The following CDIN1 variants were observed in gnomAD, a reference collection of about 807,000 sequenced individuals.
CDIN1 encodes CDAN1-interacting nuclease 1.
Under a neutral mutation model 45.3 loss-of-function variants are expected in CDIN1, and 33 were observed. The observed-to-expected ratio is 0.73, with a 90% CI of 0.55 to 0.97. CDIN1 has a LOEUF of 0.97. Among genes scored for constraint, CDIN1 ranks in the 50% least tolerant of loss-of-function variants. The pLI is 0.00. For synonymous variants in CDIN1, 118 were observed against 124.4 expected, an observed-to-expected ratio of 0.95 and a Z score of 0.34; for missense variants, 303 against 339.4, an observed-to-expected ratio of 0.89 and a Z score of 0.84.
chr15:36,743,027 T>A (rs2044293614), intron 10 of CDIN1, among the ~76,000 whole-genome samples: 1 of 152,146 alleles, frequency 6.6e-6, no homozygotes, highest in African/African-American at 2.4e-5. Flanking sequence ...TTACCTGGCA[T>A]GAAAGTGGAG....
At chr15:36,730,861 T>C (rs1435418718) in intron 10 of CDIN1, among the ~76,000 whole-genome samples, 1 of 152,114 alleles carries the variant, frequency 6.6e-6, no homozygotes, top group Non-Finnish European at 1.5e-5. Flanking sequence ...CATCGAATTC[T>C]TTTTTCTAAT....
At chr15:36,796,284 C>T (rs1013476610) in intron 10 of CDIN1, among the ~76,000 whole-genome samples, 2 of 152,150 alleles carry the variant, frequency 1.3e-5, no homozygotes, top group Admixed American at 6.5e-5. Context: ...CCACCTTGAA[C>T]TTCAGGGCAC....
intron 10 of CDIN1, among the ~76,000 whole-genome samples, chr15:36,733,459 A>G (rs185021747): frequency 4.6e-5 from 7 of 152,240 alleles, no homozygotes; most frequent in Admixed American, 3.9e-4. Context: ...ATATGAATTT[A>G]TCATTTACTC....
intron 10 of CDIN1, among the ~76,000 whole-genome samples, chr15:36,781,494 GAACT>G (rs1010349300): frequency 7.2e-5 from 11 of 152,132 alleles, no homozygotes; most frequent in Non-Finnish European, 1.5e-5. Flanking sequence ...TTCCTACATT[GAACT>G]AACTAATTCA....
intron 1 of CDIN1, among the ~76,000 whole-genome samples, chr15:36,609,887 T>G (rs2038565589): frequency 6.6e-6 from 1 of 152,178 alleles, no homozygotes. Flanking sequence ...GCCCTGCCAA[T>G]CTGGAGGCTG....
intron 10 of CDIN1, among the ~76,000 whole-genome samples, chr15:36,787,905 A>G (rs1322574765): frequency 6.6e-6 from 1 of 150,494 alleles, no homozygotes; most frequent in Non-Finnish European, 1.5e-5. Context: ...AATATGTATC[A>G]TATATTTAAT....
intron 10 of CDIN1, among the ~76,000 whole-genome samples, chr15:36,745,694 A>T (rs2044396710): frequency 3.3e-5 from 5 of 152,160 alleles, no homozygotes. Context: ...GGCCGGGTGC[A>T]GTGGCTCATG....
At chr15:36,714,128 A>G (rs1349561913) in intron 10 of CDIN1, among the ~76,000 whole-genome samples, 1 of 152,174 alleles carries the variant, frequency 6.6e-6, no homozygotes, top group East Asian at 1.9e-4. Context: ...TTCAACTCGA[A>G]GTATAGTGAG....
In CDIN1 at chr15:36,639,343, C is replaced by T. The variant is rs370794112; in HGVS notation, c.102-4935C>T. Among the ~76,000 whole-genome samples, 14 of 145,964 alleles carry T rather than the reference C, an allele frequency of 9.6e-5. No homozygotes were observed. The South Asian group carries it at 2.6e-3, about 27-fold the overall frequency. Reference sequence around the variant, plus strand: ...AAACCAGGCCCAGCGTGGTGGCTCACGCCTGCAATCCCGGCATTTTGGGAG... The same window carrying T: ...AAACCAGGCCCAGCGTGGTGGCTCATGCCTGCAATCCCGGCATTTTGGGAG... On this transcript the variant is annotated intron_variant, in intron 1 of 10. Coordinates refer to ENST00000566621, the MANE Select transcript of CDIN1 (RefSeq NM_001321759.2).
In CDIN1 at chr15:36,617,966, C is replaced by G. The variant is rs935072367; in HGVS notation, c.102-26312C>G. The G allele has an allele frequency of 3.9e-6, 3 of 765,858 alleles. No homozygotes were observed. In the African/African-American group the frequency reaches 5.1e-5, roughly 13 times the overall value. The allele number at this position is 765,858 out of a possible 1,614,324, so 47.4% of individuals were successfully genotyped here. On this transcript the variant is annotated intron_variant, in intron 1 of 10. Coordinates refer to ENST00000566621, the MANE Select transcript of CDIN1 (RefSeq NM_001321759.2). ...AATGGATTCTAGTATCTATAGTCAG[C>G]CCATTCAGACTCAAGCACAGTATGC...
Position 36,645,245 on chromosome 15 carries a change from C to T in CDIN1, c.170C>T (p.Ala57Val). ...EYQKHIKRTH[A>V]KHHTSEAIES... ...CAGAAACACATTAAAAGAACACATGCCAAACATCATACTTCGGAAGCAATT... is the reference window on the plus strand; with the variant it reads ...CAGAAACACATTAAAAGAACACATGTCAAACATCATACTTCGGAAGCAATT... The change falls in exon 3 of 11, where the codon GCC becomes GTC. Residue 57 changes from alanine (A) to valine (V), a missense_variant. Coordinates refer to ENST00000566621, the MANE Select transcript of CDIN1 (RefSeq NM_001321759.2). 6.4e-7 allele frequency: 1 copy of T among 1,552,858 alleles called. No individual in the cohort carries two copies. Among genetic ancestry groups the T allele is most frequent in the South Asian group, 1.2e-5 (1 of 84,212 alleles).
chr15:36,742,494 G>A (rs1279330183), intron 10 of CDIN1, among the ~76,000 whole-genome samples: 1 of 152,140 alleles, frequency 6.6e-6, no homozygotes, highest in African/African-American at 2.4e-5. Context: ...AAATCAAACA[G>A]AATCTCAAAT....
intron 10 of CDIN1, among the ~76,000 whole-genome samples, chr15:36,738,423 T>C (rs1364524443): frequency 2.6e-5 from 4 of 152,192 alleles, no homozygotes; most frequent in Non-Finnish European, 4.4e-5. Flanking sequence ...ATGCCACTTC[T>C]TGCAGTGGTT....
At chr15:36,650,830 A>G (rs1206892767) in intron 3 of CDIN1, among the ~76,000 whole-genome samples, 2 of 152,208 alleles carry the variant, frequency 1.3e-5, no homozygotes, top group Non-Finnish European at 1.5e-5. Flanking sequence ...TGGGAGGCAG[A>G]GGCAAGCGGA....
At chr15:36,772,703 C>A (rs1199495811) in intron 10 of CDIN1, among the ~76,000 whole-genome samples, 6 of 152,198 alleles carry the variant, frequency 3.9e-5, no homozygotes, top group South Asian at 2.1e-4. Context: ...GCATTGATTT[C>A]TCTAGTTTTG....
At chr15:36,632,946 T>G (rs1257179849) in intron 1 of CDIN1, among the ~76,000 whole-genome samples, 1 of 152,190 alleles carries the variant, frequency 6.6e-6, no homozygotes, top group Non-Finnish European at 1.5e-5. Context: ...TACGACTTGT[T>G]CTAAAAAGTT....
At chr15:36,715,659 A>G (rs2043193273) in intron 10 of CDIN1, among the ~76,000 whole-genome samples, 1 of 152,226 alleles carries the variant, frequency 6.6e-6, no homozygotes, top group African/African-American at 2.4e-5. Flanking sequence ...AACAAGTGAC[A>G]GATTGACTAA....
chr15:36,592,714 A>G (rs1191085677), intron 1 of CDIN1, among the ~76,000 whole-genome samples: 5 of 152,134 alleles, frequency 3.3e-5, no homozygotes, highest in African/African-American at 7.2e-5. Context: ...TGGTACATTC[A>G]TAATGGACAT....
intron 1 of CDIN1, among the ~76,000 whole-genome samples, chr15:36,604,429 A>ACACACACACACACG: frequency 6.6e-6 from 1 of 150,698 alleles, no homozygotes; most frequent in East Asian, 2.0e-4. Flanking sequence ...ACACACACAC[A>ACACACACACACACG]CACACACACA....
Sources: allele counts gnomAD v4.1 joint callset (sites outside exome capture counted in the v4.1 genomes callset), GRCh38; gene constraint gnomAD v4.1.1; transcripts MANE v1.5; gene names NCBI Gene and HGNC (gene_info 2026-07-23, HGNC 2026-07-21).